TENM3: variants seen among roughly 807,000 people sequenced by gnomAD.
TENM3 encodes teneurin transmembrane protein 3.
TENM3 carries 63 observed loss-of-function variants against 255.1 expected under a neutral mutation model. The ratio of observed to expected loss-of-function variants is 0.25; its 90% CI spans 0.20 to 0.30. The LOEUF is 0.30. Among genes scored for constraint, TENM3 ranks in the 10% least tolerant of loss-of-function variants. The pLI, the probability that TENM3 is intolerant of heterozygous loss-of-function variation, is 1.00. For synonymous variants in TENM3, 1,306 were observed against 1,322.3 expected, an observed-to-expected ratio of 0.99 and a Z score of 0.27; for missense variants, 2,929 against 3,461.1, an observed-to-expected ratio of 0.85 and a Z score of 3.86.
the TENM3 span, among the ~76,000 whole-genome samples, chr4:181,469,322 A>G: frequency 1.4e-4 from 21 of 152,276 alleles, no homozygotes; most frequent in Admixed American, 1.2e-3. Context: ...ATCTATATAC[A>G]TCTCCCTCCA....
chr4:182,479,947 TA>T (rs1734036333), intron 3 of TENM3, among the ~76,000 whole-genome samples: 1 of 152,014 alleles, frequency 6.6e-6, no homozygotes, highest in South Asian at 2.1e-4. Context: ...CCTGCACGTT[TA>T]GAAAATAAAT....
chr4:182,213,641 T>C (rs1013536736), intron 1 of TENM3, among the ~76,000 whole-genome samples: 1 of 152,194 alleles, frequency 6.6e-6, no homozygotes, highest in Non-Finnish European at 1.5e-5. Flanking sequence ...TGAAGACATA[T>C]TTAATGTCAT....
chr4:181,857,308 G>T, the TENM3 span, among the ~76,000 whole-genome samples: 7 of 144,474 alleles, frequency 4.8e-5, no homozygotes, highest in African/African-American at 1.5e-4. Flanking sequence ...TAAATACAAA[G>T]ACAGACGTCA....
the TENM3 span, among the ~76,000 whole-genome samples, chr4:182,026,848 G>T: frequency 1.3e-5 from 2 of 152,118 alleles, no homozygotes; most frequent in African/African-American, 4.8e-5. Context: ...GTACCATGCT[G>T]TTTTGGTTAC....
the TENM3 span, among the ~76,000 whole-genome samples, chr4:181,620,598 G>C: frequency 6.6e-6 from 1 of 150,518 alleles, no homozygotes; most frequent in Admixed American, 6.6e-5. Flanking sequence ...TGTTTTCCAG[G>C]AATAGACTCC....
At chr4:182,220,152 G>A (rs549548501) in intron 1 of TENM3, among the ~76,000 whole-genome samples, 3 of 152,112 alleles carry the variant, frequency 2.0e-5, no homozygotes, top group African/African-American at 4.8e-5. Context: ...CAAGGTGGGC[G>A]GATCACCTGA....
At chr4:182,671,951 A>G (rs151273492) in intron 6 of TENM3, among the ~76,000 whole-genome samples, 37 of 152,284 alleles carry the variant, frequency 2.4e-4, no homozygotes, top group Non-Finnish European at 3.4e-4. Context: ...CCTGCGCTCA[A>G]GTGATCCTCA....
intron 1 of TENM3, among the ~76,000 whole-genome samples, chr4:182,159,720 C>T (rs1271578707): frequency 2.0e-5 from 3 of 152,110 alleles, no homozygotes; most frequent in Non-Finnish European, 4.4e-5. Context: ...CTGTTCCAGT[C>T]CGGCCCGTGG....
At chr4:182,543,369 A>G (rs149896021) in intron 3 of TENM3, among the ~76,000 whole-genome samples, 454 of 152,314 alleles carry the variant, frequency 3.0e-3, no homozygotes, top group Non-Finnish European at 4.6e-3. Flanking sequence ...GGTTCATGCA[A>G]TTATTCTGCT....
At chr4:181,601,493 C>T in the TENM3 span, among the ~76,000 whole-genome samples, 2 of 152,104 alleles carry the variant, frequency 1.3e-5, no homozygotes, top group African/African-American at 4.8e-5. Context: ...ATCATCAGCC[C>T]CCTGCATGCA....
intron 3 of TENM3, among the ~76,000 whole-genome samples, chr4:182,599,425 T>G (rs1026460195): frequency 3.3e-5 from 5 of 152,190 alleles, no homozygotes; most frequent in Non-Finnish European, 5.9e-5. Flanking sequence ...TTCCCCCATA[T>G]CAGAAACTGC....
chr4:182,438,631 A>G (rs1772223384), intron 3 of TENM3, among the ~76,000 whole-genome samples: 1 of 152,246 alleles, frequency 6.6e-6, no homozygotes, highest in Admixed American at 6.5e-5. Context: ...GTAGAATACA[A>G]CCAAAAAAGA....
chr4:182,034,292 A>G, the TENM3 span, among the ~76,000 whole-genome samples: 4 of 152,168 alleles, frequency 2.6e-5, no homozygotes, highest in Admixed American at 2.6e-4. Flanking sequence ...AACCATATCA[A>G]TAGGTCTCTT....
In TENM3 at chr4:182,754,952, A is replaced by G. The variant is rs777461124; in HGVS notation, c.4585A>G (p.Thr1529Ala). 2 of 1,614,002 alleles carry G rather than the reference A, an allele frequency of 1.2e-6. No homozygotes were observed. The highest frequency in any genetic ancestry group is 1.1e-5 in the South Asian group (1 of 91,082). Residue 1529 changes from threonine (T) to alanine (A), a missense_variant, in exon 22 of 28, where the codon ACT becomes GCT. By Grantham distance (58) the Thr-to-Ala change is moderately conservative. Coordinates refer to ENST00000511685, the MANE Select transcript of TENM3 (RefSeq NM_001080477.4). This position sits in a 1 kb window ranked among gnomAD's most constrained non-coding sequence, Gnocchi z 5.1. ...QELYIFDING[T>A]HQYTVSLVTG... The stretch of plus-strand genomic sequence containing the variant: ...ACTCTACATCTTTGACATCAATGGT[A>G]CTCACCAATATACTGTAAGTTTAGT...
chr4:181,826,065 T>TA, the TENM3 span, among the ~76,000 whole-genome samples: 10 of 152,336 alleles, frequency 6.6e-5, no homozygotes, highest in African/African-American at 2.4e-4. Flanking sequence ...ATCTTTTTTT[T>TA]ATGTAAACAT....
chr4:182,457,767 G>A (rs1331195637), intron 3 of TENM3, among the ~76,000 whole-genome samples: 1 of 152,048 alleles, frequency 6.6e-6, no homozygotes, highest in Non-Finnish European at 1.5e-5. Context: ...CCACCATATT[G>A]CCTAGACTAG....
At chr4:182,374,823 G>A (rs1206869009) in intron 3 of TENM3, among the ~76,000 whole-genome samples, 3 of 152,174 alleles carry the variant, frequency 2.0e-5, no homozygotes, top group African/African-American at 7.2e-5. Context: ...AGACAGGACA[G>A]AAGTTGCATC....
chr4:182,724,473 A>G (rs1427169373), intron 13 of TENM3, among the ~76,000 whole-genome samples: 1 of 152,270 alleles, frequency 6.6e-6, no homozygotes, highest in Non-Finnish European at 1.5e-5. Context: ...GAAGAATAAC[A>G]AACAGTGTGT....
At chr4:182,670,409 T>C (rs552548258) in intron 6 of TENM3, among the ~76,000 whole-genome samples, 4 of 152,296 alleles carry the variant, frequency 2.6e-5, no homozygotes, top group Admixed American at 2.6e-4. Context: ...ATAATGCCTT[T>C]TTATTGAGTT....
Sources: gnomAD v4.1 joint callset for allele counts (sites outside exome capture counted in the v4.1 genomes callset) on GRCh38, gnomAD v4.1.1 for gene constraint, Gnocchi (gnomAD v3.1) non-coding constraint, MANE v1.5 for transcripts, NCBI Gene and HGNC (gene_info 2026-07-23, HGNC 2026-07-21) for gene names.